Variants in TMCO1 observed in about 807,000 individuals in gnomAD.
TMCO1 encodes the protein transmembrane and coiled-coil domains 1, also known as calcium load-activated calcium channel.
Under a neutral mutation model 29.3 loss-of-function variants are expected in TMCO1, and 29 were observed. The ratio of observed to expected loss-of-function variants is 0.99; its 90% CI spans 0.74 to 1.35. TMCO1 has a LOEUF of 1.35. Ranked by LOEUF, TMCO1 falls within the 40% of genes most tolerant of loss-of-function variation. TMCO1 has a pLI of 0.00. For missense variants in TMCO1, 173 were observed against 225.5 expected, an observed-to-expected ratio of 0.77 and a Z score of 1.49; for synonymous variants, 80 against 77.1, an observed-to-expected ratio of 1.04 and a Z score of -0.20.
chr1:165,752,794 CAAAA>C (rs1383946645), intron 4 of TMCO1, among the ~76,000 whole-genome samples: 1 of 141,986 alleles, frequency 7.0e-6, no homozygotes, highest in Non-Finnish European at 1.5e-5. Context: ...GACTCCGTCT[CAAAA>C]AAAAAAAATA....
intron 6 of TMCO1, among the ~76,000 whole-genome samples, chr1:165,738,823 T>C (rs1480954996): frequency 3.9e-5 from 6 of 152,232 alleles, no homozygotes; most frequent in African/African-American, 1.2e-4. Flanking sequence ...GATGCTGCAA[T>C]AAGTAGTTAG....
intron 6 of TMCO1, among the ~76,000 whole-genome samples, chr1:165,733,649 T>TTAATATATAA (rs1268597172): frequency 6.6e-6 from 1 of 152,032 alleles, no homozygotes; most frequent in East Asian, 1.9e-4. Context: ...GATAGGAGTT[T>TTAATATATAA]TAATATATAA....
rs759757338 is a variant in TMCO1, at chr1:165,728,078, G to A, written c.512C>T (p.Thr171Ile). 5.6e-6 allele frequency: 9 copies of A among 1,608,992 alleles called. No homozygotes were observed. Among genetic ancestry groups the A allele is most frequent in the East Asian group, 2.2e-5 (1 of 44,550 alleles). ...GCCAAGAAATCCACCTGCCTGCTTGGTGGCGGCTCGTGAAGGGGCAAGGCC... is the reference window on the plus strand; with the variant it reads ...GCCAAGAAATCCACCTGCCTGCTTGATGGCGGCTCGTGAAGGGGCAAGGCC... ...ILGLAPSRAA[T>I]KQAGGFLGPP... Residue 171 changes from threonine to isoleucine, a missense_variant, in exon 7 of 7, where the codon ACC becomes ATC. Transcript: ENST00000367881.
At chr1:165,754,367 C>G in intron 3 of TMCO1, 93 bp from the exon 4 acceptor site, 1 of 961,480 alleles carries the variant, frequency 1.0e-6, no homozygotes, top group Non-Finnish European at 1.7e-6. Context: ...TACAAAAGCA[C>G]TCTATCTCAA....
intron 3 of TMCO1, among the ~76,000 whole-genome samples, chr1:165,757,844 C>T (rs1652254997): frequency 6.6e-6 from 1 of 152,126 alleles, no homozygotes; most frequent in African/African-American, 2.4e-5. Context: ...CTGGGGTGAG[C>T]AAACAATTCA....
intron 1 of TMCO1, 47 bp from the exon 2 acceptor site, chr1:165,768,316 T>A: frequency 1.3e-6 from 2 of 1,577,254 alleles, no homozygotes; most frequent in Non-Finnish European, 1.7e-6. Context: ...ACTGGAATGA[T>A]CACAACAAAC....
chr1:165,752,743 G>A (rs947365717), intron 4 of TMCO1, among the ~76,000 whole-genome samples: 8 of 151,484 alleles, frequency 5.3e-5, no homozygotes, highest in East Asian at 2.0e-4. Flanking sequence ...GCAGTGAGCC[G>A]AGATTGTGCC....
intron 6 of TMCO1, among the ~76,000 whole-genome samples, chr1:165,738,136 T>C (rs973132222): frequency 6.6e-5 from 10 of 152,098 alleles, no homozygotes; most frequent in Admixed American, 6.5e-4. Flanking sequence ...CTACTAAAAA[T>C]ACAAAAATTA....
intron 6 of TMCO1, among the ~76,000 whole-genome samples, chr1:165,740,580 A>G (rs557683440): frequency 6.6e-6 from 1 of 152,332 alleles, no homozygotes; most frequent in South Asian, 2.1e-4. Context: ...TTAAAGACCA[A>G]TATTCCACAG....
chr1:165,759,725 G>A, intron 2 of TMCO1, 141 bp from the exon 3 acceptor site: 2 of 681,210 alleles, frequency 2.9e-6, no homozygotes, highest in East Asian at 2.8e-5. Context: ...TAAGTTAACT[G>A]GTCCACTCTC....
intron 2 of TMCO1, among the ~76,000 whole-genome samples, chr1:165,762,996 A>G (rs1420229060): frequency 6.6e-6 from 1 of 152,218 alleles, no homozygotes; most frequent in African/African-American, 2.4e-5. Flanking sequence ...ACCTGAGTCA[A>G]CCAACTCACT....
intron 6 of TMCO1, among the ~76,000 whole-genome samples, chr1:165,741,447 T>C (rs1651591317): frequency 6.6e-6 from 1 of 152,128 alleles, no homozygotes; most frequent in East Asian, 1.9e-4. Context: ...GCCTTAAAAC[T>C]TGATTGTGTT....
At chr1:165,724,811 C>G (rs1194938412), downstream of TMCO1, 2 of 453,618 alleles carry the variant, frequency 4.4e-6, no homozygotes, top group Non-Finnish European at 4.4e-6. Flanking sequence ...AAATGGTATT[C>G]AGATTACACA....
intron 3 of TMCO1, among the ~76,000 whole-genome samples, chr1:165,755,885 T>C (rs1652175075): frequency 6.6e-6 from 1 of 152,040 alleles, no homozygotes; most frequent in African/African-American, 2.4e-5. Flanking sequence ...ACCTATGACA[T>C]AAAAAGATCA....
downstream of TMCO1, chr1:165,726,059 TCTCACTTTAA>T: frequency 1.4e-6 from 1 of 692,698 alleles, no homozygotes; most frequent in Non-Finnish European, 2.6e-6. Context: ...TGCTATATAT[TCTCACTTTAA>T]AAAGGTGATG....
At chr1:165,742,104 A>C (rs1405640239) in intron 6 of TMCO1, among the ~76,000 whole-genome samples, 1 of 152,246 alleles carries the variant, frequency 6.6e-6, no homozygotes, top group Non-Finnish European at 1.5e-5. Flanking sequence ...GGGGAGAAAA[A>C]GAGAATCACT....
At chr1:165,755,793 G>C (rs1380163784) in intron 3 of TMCO1, among the ~76,000 whole-genome samples, 3 of 152,146 alleles carry the variant, frequency 2.0e-5, no homozygotes, top group Non-Finnish European at 4.4e-5. Flanking sequence ...CTTGTTGAAG[G>C]GTTAGCCTCA....
At chr1:165,758,550 CTG>C (rs970447022) in intron 3 of TMCO1, among the ~76,000 whole-genome samples, 3 of 151,712 alleles carry the variant, frequency 2.0e-5, no homozygotes, top group Non-Finnish European at 4.4e-5. Flanking sequence ...GAGTGAAACT[CTG>C]TCTCAAAAAA....
intron 6 of TMCO1, among the ~76,000 whole-genome samples, chr1:165,733,371 C>T (rs1056366212): frequency 6.6e-6 from 1 of 152,092 alleles, no homozygotes; most frequent in African/African-American, 2.4e-5. Flanking sequence ...TGGTGGCTCA[C>T]ACCTGTAATC....
Sources: allele counts gnomAD v4.1 joint callset (sites outside exome capture counted in the v4.1 genomes callset), GRCh38; gene constraint gnomAD v4.1.1; transcripts MANE v1.5; gene names NCBI Gene and HGNC (gene_info 2026-07-23, HGNC 2026-07-21).